The following RASEF variants were observed in gnomAD, a reference collection of about 807,000 sequenced individuals.
RASEF encodes the protein ras and EF-hand domain-containing protein.
RASEF carries 68 observed loss-of-function variants against 90.1 expected under a neutral mutation model. The observed-to-expected ratio is 0.75, with a 90% CI of 0.62 to 0.92. RASEF has a LOEUF of 0.92. Among genes scored for constraint, RASEF ranks in the 40% least tolerant of loss-of-function variants. The pLI, the probability that RASEF is intolerant of heterozygous loss-of-function variation, is 0.00. For synonymous variants in RASEF, 331 were observed against 345.2 expected (o/e 0.96, Z 0.46); for missense variants, 949 against 937.2 (o/e 1.01, Z -0.16).
At chr9:83,048,991 G>C (rs941254735) in intron 1 of RASEF, among the ~76,000 whole-genome samples, 1 of 152,076 alleles carries the variant, frequency 6.6e-6, no homozygotes, top group Non-Finnish European at 1.5e-5. Flanking sequence ...GGGTGTGGTA[G>C]TGCATGTCTG....
chr9:83,103,405 A>G, the RASEF span, among the ~76,000 whole-genome samples: 5 of 152,202 alleles, frequency 3.3e-5, no homozygotes, highest in African/African-American at 1.2e-4. Context: ...AGATTGACAG[A>G]GGTGAAAACT....
At chr9:83,210,806 G>A in the RASEF span, among the ~76,000 whole-genome samples, 1 of 152,158 alleles carries the variant, frequency 6.6e-6, no homozygotes, top group South Asian at 2.1e-4. Flanking sequence ...TGTTTGCCTG[G>A]AACTGAGGGG....
intron 1 of RASEF, among the ~76,000 whole-genome samples, chr9:83,035,048 G>A (rs1358668578): frequency 6.6e-6 from 1 of 152,176 alleles, no homozygotes; most frequent in Non-Finnish European, 1.5e-5. Context: ...AGAAAATCTT[G>A]TAGTATGGGA....
rs59546421 is a variant in RASEF, at chr9:83,059,269, T to TACACACACACAC, written c.431+3156_431+3167dup. Among the ~76,000 whole-genome samples, 790 of 129,116 alleles carry TACACACACACAC rather than the reference T, an allele frequency of 6.1e-3. 11 individuals are homozygous for TACACACACACAC. Among genetic ancestry groups the TACACACACACAC allele is most frequent in the African/African-American group, 0.022 (735 of 32,978 alleles). The allele number at this position is 129,116 out of a possible 152,430, so 84.7% of individuals were successfully genotyped here. Reference sequence around the variant, plus strand: ...TCTCAGCCATCCATCAAATGCTCAATACACACACACACACACACACACACA... The same window carrying TACACACACACAC: ...TCTCAGCCATCCATCAAATGCTCAATACACACACACACACACACACACACACACACACACACA... On this transcript the variant is annotated intron_variant, in intron 1 of 16. Coordinates refer to ENST00000376447, the MANE Select transcript of RASEF (RefSeq NM_152573.4).
At chr9:83,058,773 G>A (rs141561533) in intron 1 of RASEF, among the ~76,000 whole-genome samples, 309 of 152,272 alleles carry the variant, frequency 2.0e-3, no homozygotes, top group African/African-American at 7.3e-3. Flanking sequence ...AAGGTAAGCC[G>A]TTTTGCCAAT....
chr9:82,988,273 A>G (rs760990279), intron 16 of RASEF, among the ~76,000 whole-genome samples: 6 of 152,210 alleles, frequency 3.9e-5, no homozygotes, highest in Non-Finnish European at 8.8e-5. Context: ...GTGCACCCAT[A>G]AGTGCGTGGA....
chr9:83,006,633 G>A (rs1473466994), intron 7 of RASEF, among the ~76,000 whole-genome samples: 4 of 152,256 alleles, frequency 2.6e-5, no homozygotes, highest in African/African-American at 9.6e-5. Flanking sequence ...ACCTTCAGAG[G>A]ATGGAACTGC....
chr9:83,073,412 T>G, the RASEF span, among the ~76,000 whole-genome samples: 2 of 152,106 alleles, frequency 1.3e-5, no homozygotes, highest in African/African-American at 4.8e-5. Context: ...TGGTGCTTAT[T>G]GTTAATGTTG....
chr9:83,060,545 T>C (rs1207057484), intron 1 of RASEF, among the ~76,000 whole-genome samples: 1 of 152,204 alleles, frequency 6.6e-6, no homozygotes, highest in East Asian at 1.9e-4. Context: ...TGGCAGGCAA[T>C]TGGTAATGCT....
intron 3 of RASEF, among the ~76,000 whole-genome samples, chr9:83,018,654 TGAA>T (rs1265133958): frequency 6.8e-6 from 1 of 148,030 alleles, no homozygotes; most frequent in African/African-American, 2.5e-5. Flanking sequence ...AGCACAAAGT[TGAA>T]GAAGAACTAA....
At chr9:83,056,340 T>G (rs1830103659) in intron 1 of RASEF, among the ~76,000 whole-genome samples, 1 of 152,198 alleles carries the variant, frequency 6.6e-6, no homozygotes, top group Non-Finnish European at 1.5e-5. Flanking sequence ...CAACCTCATA[T>G]GAGACTAATA....
the RASEF span, among the ~76,000 whole-genome samples, chr9:83,205,552 G>T: frequency 6.6e-6 from 1 of 151,840 alleles, no homozygotes; most frequent in African/African-American, 2.4e-5. Flanking sequence ...ACTATGATCT[G>T]CAAAATGAAA....
chr9:82,988,546 C>G (rs755062946), intron 16 of RASEF, among the ~76,000 whole-genome samples: 2 of 152,026 alleles, frequency 1.3e-5, no homozygotes, highest in Non-Finnish European at 2.9e-5. Flanking sequence ...GAGGTGGGGC[C>G]TCGTGGGAGG....
the RASEF span, among the ~76,000 whole-genome samples, chr9:83,087,126 C>G: frequency 6.6e-6 from 1 of 152,146 alleles, no homozygotes; most frequent in Non-Finnish European, 1.5e-5. Context: ...ATGTGTCTGA[C>G]TATTAAAGGG....
At chr9:83,002,894 T>C (rs1829065296) in intron 9 of RASEF, among the ~76,000 whole-genome samples, 1 of 152,140 alleles carries the variant, frequency 6.6e-6, no homozygotes, top group African/African-American at 2.4e-5. Context: ...TGAAAATTTT[T>C]AAAAGTAAAA....
At chr9:82,997,351 C>A (rs551008380) in intron 13 of RASEF, among the ~76,000 whole-genome samples, 1 of 152,176 alleles carries the variant, frequency 6.6e-6, no homozygotes, top group Admixed American at 6.5e-5. Context: ...CTTCTCTCTA[C>A]CAAACAACCC....
chr9:83,186,024 T>G, the RASEF span, among the ~76,000 whole-genome samples: 1 of 152,182 alleles, frequency 6.6e-6, no homozygotes, highest in Non-Finnish European at 1.5e-5. Flanking sequence ...CGTTTTCCCT[T>G]TCAACTGAGT....
chr9:83,101,689 A>G, the RASEF span, among the ~76,000 whole-genome samples: 1 of 152,256 alleles, frequency 6.6e-6, no homozygotes, highest in Non-Finnish European at 1.5e-5. Context: ...TTAACCTTCC[A>G]TAACGTTGCT....
At chr9:83,036,746 G>A (rs949020322) in intron 1 of RASEF, among the ~76,000 whole-genome samples, 13 of 152,084 alleles carry the variant, frequency 8.5e-5, no homozygotes, top group African/African-American at 2.4e-4. Context: ...GAGGAAATCC[G>A]AATATGGACT....
Sources: allele counts gnomAD v4.1 joint callset (sites outside exome capture counted in the v4.1 genomes callset), GRCh38; gene constraint gnomAD v4.1.1; transcripts MANE v1.5; gene names NCBI Gene and HGNC (gene_info 2026-07-23, HGNC 2026-07-21).